Variants in NRXN1 observed in about 807,000 individuals in gnomAD.
NRXN1 encodes the protein neurexin-1.
NRXN1 carries 39 observed loss-of-function variants against 150.9 expected under a neutral mutation model. The observed-to-expected ratio is 0.26, with a 90% confidence interval of 0.20 to 0.34. NRXN1 has a LOEUF of 0.34. Among genes scored for constraint, NRXN1 ranks in the 10% least tolerant of loss-of-function variants. The probability of loss-of-function intolerance (pLI) is 1.00; values close to 1 mark genes in which losing one functional copy is unlikely to be tolerated. For missense variants in NRXN1, 1,815 were observed against 1,949.9 expected (o/e 0.93, Z 1.30); for synonymous variants, 924 against 757.0 (o/e 1.22, Z -3.62).
chr2:50,369,546 G>C (rs570188711), intron 17 of NRXN1, among the ~76,000 whole-genome samples: 2 of 152,014 alleles, frequency 1.3e-5, no homozygotes, highest in East Asian at 1.9e-4. Context: ...CTATATTCTG[G>C]TAGAATCGAT....
At chr2:50,886,576 A>G (rs1220539557) in intron 5 of NRXN1, among the ~76,000 whole-genome samples, 1 of 151,468 alleles carries the variant, frequency 6.6e-6, no homozygotes, top group African/African-American at 2.4e-5. Flanking sequence ...ATGACTTTGA[A>G]GGCCAAAGGG....
intron 17 of NRXN1, among the ~76,000 whole-genome samples, chr2:50,273,412 C>G (rs1362313998): frequency 6.6e-6 from 1 of 152,056 alleles, no homozygotes; most frequent in Non-Finnish European, 1.5e-5. Flanking sequence ...TGTCTTAACC[C>G]AAAACTCATG....
chr2:50,231,855 A>C (rs2064973579), intron 18 of NRXN1, among the ~76,000 whole-genome samples: 1 of 93,758 alleles, frequency 1.1e-5, no homozygotes, highest in Non-Finnish European at 2.2e-5. Context: ...ATTTCTAGAT[A>C]TATCTTATAT....
intron 2 of NRXN1, among the ~76,000 whole-genome samples, chr2:50,971,786 T>C (rs1305448849): frequency 1.3e-5 from 2 of 152,102 alleles, no homozygotes; most frequent in Admixed American, 6.6e-5. Flanking sequence ...TTTAAAAATT[T>C]TTTTCATTAA....
chr2:50,659,437 GCTTCAATATCA>G (rs1248208065), intron 5 of NRXN1, among the ~76,000 whole-genome samples: 2 of 151,524 alleles, frequency 1.3e-5, no homozygotes, highest in Non-Finnish European at 2.9e-5. Context: ...GATCTAAGAA[GCTTCAATATCA>G]CTTTTTTTTT....
At position 50,600,837 on chromosome 2, in the gene NRXN1, T is replaced by C. The variant is rs148170343; in HGVS notation, c.1320+19185A>G. ...ATATGCTGGTAGAATCCTAAGATCA[T>C]TAAAGCTCTGGTATGAATAAGAAAA... On this transcript the variant is annotated intron_variant, in intron 8 of 22. Transcript: ENST00000401669. Among the ~76,000 whole-genome samples the C allele has an allele frequency of 3.1e-3, 468 of 152,234 alleles. 3 individuals are homozygous for C. The highest frequency in any genetic ancestry group is 7.9e-3 in the Admixed American group (120 of 15,284).
intron 5 of NRXN1, among the ~76,000 whole-genome samples, chr2:50,830,200 T>C (rs763209230): frequency 9.1e-4 from 138 of 151,978 alleles, no homozygotes; most frequent in Non-Finnish European, 1.6e-3. Flanking sequence ...ACATACAGAT[T>C]TGGATTATGA....
chr2:50,503,108 G>C (rs963853894), intron 13 of NRXN1, among the ~76,000 whole-genome samples: 3 of 152,058 alleles, frequency 2.0e-5, no homozygotes, highest in African/African-American at 4.8e-5. Context: ...AAGAATTCAA[G>C]ACAAGCCTGG....
chr2:49,992,885 C>G (rs1231070171), intron 21 of NRXN1, among the ~76,000 whole-genome samples: 1 of 152,106 alleles, frequency 6.6e-6, no homozygotes, highest in African/African-American at 2.4e-5. Context: ...TTAGAATGAC[C>G]AAAATCTGGA....
chr2:50,256,750 G>A (rs1049520926), intron 17 of NRXN1, among the ~76,000 whole-genome samples: 1 of 152,028 alleles, frequency 6.6e-6, no homozygotes, highest in African/African-American at 2.4e-5. Flanking sequence ...ACTAACTTCT[G>A]GCCAATGAGA....
At chr2:50,423,611 T>C (rs1572914819) in intron 17 of NRXN1, among the ~76,000 whole-genome samples, 1 of 152,102 alleles carries the variant, frequency 6.6e-6, no homozygotes, top group Non-Finnish European at 1.5e-5. Context: ...AAATCTTTAT[T>C]GATCCCCTAC....
intron 17 of NRXN1, among the ~76,000 whole-genome samples, chr2:50,272,489 A>C (rs190855213): frequency 6.6e-6 from 1 of 152,276 alleles, no homozygotes; most frequent in Admixed American, 6.5e-5. Flanking sequence ...AAATACCAAA[A>C]ATTTTTCCAA....
At chr2:49,970,188 C>T (rs1474913073) in intron 21 of NRXN1, 1 of 151,708 alleles carries the variant, frequency 6.6e-6, no homozygotes, top group Non-Finnish European at 1.5e-5. Flanking sequence ...GTTTTTTATT[C>T]CCAAGAAGAT....
In NRXN1 at chr2:49,919,835, A is replaced by T. The variant is rs946883315; in HGVS notation, c.*2109T>A. On this transcript the variant is annotated 3_prime_UTR_variant, in exon 23 of 23. Transcript: ENST00000401669. Reference sequence around the variant, plus strand: ...CATAGATAGTGGTGATTTGCTATGAATTATACATATTTCTAAGGTGCTGTA... The same window carrying T: ...CATAGATAGTGGTGATTTGCTATGATTTATACATATTTCTAAGGTGCTGTA... 3 of 152,176 alleles carry T rather than the reference A, an allele frequency of 2.0e-5. No homozygotes were observed. Among genetic ancestry groups the T allele is most frequent in the Non-Finnish European group, 4.4e-5 (3 of 67,986 alleles). The allele number at this position is 152,176 out of a possible 1,614,324, so 9.4% of individuals were successfully genotyped here. A position where few individuals can be genotyped will look rare whatever the true frequency, so the allele number is the denominator to read the frequency against.
chr2:50,771,858 G>A (rs772149732), intron 5 of NRXN1, among the ~76,000 whole-genome samples: 1 of 152,132 alleles, frequency 6.6e-6, no homozygotes, highest in Non-Finnish European at 1.5e-5. Flanking sequence ...AGATAAAGCA[G>A]TAGACAGAAT....
chr2:50,334,853 G>A (rs2077078865), intron 17 of NRXN1, among the ~76,000 whole-genome samples: 1 of 152,126 alleles, frequency 6.6e-6, no homozygotes, highest in South Asian at 2.1e-4. Flanking sequence ...CTTGGAGGAG[G>A]GGCGATACAG....
At chr2:51,008,522 G>A (rs1416051045) in intron 2 of NRXN1, among the ~76,000 whole-genome samples, 1 of 151,882 alleles carries the variant, frequency 6.6e-6, no homozygotes, top group Non-Finnish European at 1.5e-5. Context: ...TCACAAAGTT[G>A]ATCACTGCAG....
intron 21 of NRXN1, among the ~76,000 whole-genome samples, chr2:50,050,159 C>CTTTTTTT (rs35146990): frequency 3.5e-5 from 5 of 141,670 alleles, no homozygotes; most frequent in Non-Finnish European, 6.2e-5. Flanking sequence ...AGCAAAACTT[C>CTTTTTTT]TTTTTTTTTT....
intron 2 of NRXN1, among the ~76,000 whole-genome samples, chr2:50,950,798 T>A (rs1018495243): frequency 2.6e-5 from 4 of 152,236 alleles, no homozygotes; most frequent in African/African-American, 9.6e-5. Context: ...TTTACAAAGA[T>A]ACCTTGTTTA....
Sources: gnomAD v4.1 joint callset for allele counts (sites outside exome capture counted in the v4.1 genomes callset) on GRCh38, gnomAD v4.1.1 for gene constraint, MANE v1.5 for transcripts, NCBI Gene and HGNC (gene_info 2026-07-23, HGNC 2026-07-21) for gene names.